ART3: variants seen among roughly 807,000 people sequenced by gnomAD.
ART3 encodes the protein ecto-ADP-ribosyltransferase 3.
In ART3, 49 loss-of-function variants were observed where a neutral mutation model predicts 48.5. The ratio of observed to expected loss-of-function variants is 1.01; its 90% confidence interval spans 0.80 to 1.28. The LOEUF (loss-of-function observed/expected upper bound fraction) is 1.28, where lower values mean the gene tolerates loss of function less well. Among genes scored for constraint, ART3 ranks in the 50% most tolerant of loss-of-function variants. The pLI, the probability that ART3 is intolerant of heterozygous loss-of-function variation, is 0.00. For missense variants in ART3, 438 were observed against 454.3 expected, an observed-to-expected ratio of 0.96 and a Z score of 0.33; for synonymous variants, 145 against 157.2, an observed-to-expected ratio of 0.92 and a Z score of 0.58.
chr4:76,037,628 T>G (rs1211097805), intron 1 of ART3, among the ~76,000 whole-genome samples: 1 of 152,168 alleles, frequency 6.6e-6, no homozygotes, highest in Non-Finnish European at 1.5e-5. Flanking sequence ...CCACGGTGCT[T>G]GGCCTTCCTT....
chr4:76,077,951 C>G (rs1419048133), intron 2 of ART3, among the ~76,000 whole-genome samples: 1 of 152,186 alleles, frequency 6.6e-6, no homozygotes, highest in Non-Finnish European at 1.5e-5. Context: ...TATACTCTTG[C>G]AACATAATTT....
intron 1 of ART3, among the ~76,000 whole-genome samples, chr4:76,064,444 A>T (rs1719517679): frequency 6.6e-6 from 1 of 152,246 alleles, no homozygotes; most frequent in Non-Finnish European, 1.5e-5. Flanking sequence ...GTGAATAGTG[A>T]TCATGACATT....
At chr4:76,034,431 G>C in intron 1 of ART3, 1 of 481,668 alleles carries the variant, frequency 2.1e-6, no homozygotes. Flanking sequence ...AATCTAGAAG[G>C]TTCTCTAGCC....
At chr4:76,022,379 C>T in intron 1 of ART3, 1 of 1,613,584 alleles carries the variant, frequency 6.2e-7, no homozygotes, top group Non-Finnish European at 8.5e-7. Flanking sequence ...TCCTTGCTAA[C>T]TGCTTTCAGT....
In ART3 at chr4:76,092,315, A is replaced by G. The variant is rs563978269; in HGVS notation, c.782-5329A>G. Among the ~76,000 whole-genome samples, 25 of 152,306 alleles carry G rather than the reference A, an allele frequency of 1.6e-4. No individual in the cohort carries two copies. The East Asian group carries it at 4.8e-3, about 29-fold the overall frequency. ...AGTGTTCAGTGTGTAAGGCTTTTCC[A>G]TCTTTCGTCAGATTTACCTTTAAGT... On this transcript the variant is annotated intron_variant, in intron 3 of 11. Coordinates refer to ENST00000355810, the MANE Select transcript of ART3 (RefSeq NM_001130016.3).
chr4:76,043,081 C>G (rs943140251), intron 1 of ART3, among the ~76,000 whole-genome samples: 4 of 151,964 alleles, frequency 2.6e-5, no homozygotes, highest in African/African-American at 4.8e-5. Context: ...TTGGTGCATT[C>G]ACAAACCCTG....
chr4:76,076,549 T>A (rs1721121755), intron 2 of ART3, among the ~76,000 whole-genome samples: 1 of 152,212 alleles, frequency 6.6e-6, no homozygotes, highest in African/African-American at 2.4e-5. Flanking sequence ...CTTCTTGGCT[T>A]TTTTCTATGT....
chr4:76,048,844 C>A lies in ART3; in HGVS notation c.-9-27037C>A, dbSNP rs181171467. Among the ~76,000 whole-genome samples, 320 of 151,926 alleles carry A rather than the reference C, an allele frequency of 2.1e-3. 3 individuals carry two copies. In the East Asian group the frequency reaches 0.021, roughly 10 times the overall value. ...GGCCCTTATGATGCATTCTCAAAAA[C>A]CTGTTAGAGTCCTAAGCATTCTCCT... On this transcript the variant is annotated intron_variant, in intron 1 of 9. Transcript: ENST00000341029.
chr4:76,093,851 C>G (rs1725446923), intron 3 of ART3, among the ~76,000 whole-genome samples: 1 of 152,162 alleles, frequency 6.6e-6, no homozygotes, highest in Non-Finnish European at 1.5e-5. Flanking sequence ...CTACTTAACA[C>G]CTGTTAGTAG....
At chr4:76,018,278 C>G (rs1732444817) in intron 1 of ART3, among the ~76,000 whole-genome samples, 2 of 152,130 alleles carry the variant, frequency 1.3e-5, no homozygotes, top group Non-Finnish European at 2.9e-5. Flanking sequence ...AAATCATGTC[C>G]TTTGCAGCAA....
rs138896290 is a variant in ART3 at position 76,031,205 on chromosome 4, A to G, written c.-10+19885A>G. ...TCAGGGGGAATATTAGTATTTTTTC[A>G]TTGTATTTTGTTTTATCATTACATT... On this transcript the variant is annotated intron_variant, in intron 1 of 9. Coordinates refer to the ART3 transcript ENST00000341029. Among the ~76,000 whole-genome samples, 692 of 152,114 alleles carry G rather than the reference A, an allele frequency of 4.5e-3. 3 individuals carry two copies. Among genetic ancestry groups the G allele is most frequent in the Non-Finnish European group, 7.4e-3 (502 of 67,984 alleles).
chr4:76,104,088 G>T, intron 9 of ART3, 119 bp downstream of exon 9: 1 of 1,122,072 alleles, frequency 8.9e-7, no homozygotes, highest in Admixed American at 2.0e-5. Flanking sequence ...ATAGCTACCT[G>T]CCAGTCATCT....
intron 1 of ART3, among the ~76,000 whole-genome samples, chr4:76,016,511 G>A (rs548484988): frequency 1.3e-5 from 2 of 152,296 alleles, no homozygotes; most frequent in Admixed American, 1.3e-4. Context: ...GTTGTGCTGA[G>A]TCAGACCTGA....
intron 11 of ART3, among the ~76,000 whole-genome samples, chr4:76,110,230 T>C (rs1729225115): frequency 6.6e-6 from 1 of 152,158 alleles, no homozygotes; most frequent in Non-Finnish European, 1.5e-5. Flanking sequence ...GAAAAAATAA[T>C]ACAAATTTAA....
chr4:76,064,335 T>C (rs13111494), intron 1 of ART3, among the ~76,000 whole-genome samples: 31,145 of 152,116 alleles, frequency 0.2, 3,924 homozygotes, highest in East Asian at 0.4. Flanking sequence ...GTGATCTAAA[T>C]ACAAAAGAGA....
chr4:76,109,041 A>G (rs1056096600), intron 11 of ART3, among the ~76,000 whole-genome samples: 2 of 152,302 alleles, frequency 1.3e-5, no homozygotes, highest in Admixed American at 6.5e-5. Context: ...GACTTTATAC[A>G]TACTATACAG....
At chr4:76,052,196 TATG>T (rs1248613090) in intron 1 of ART3, among the ~76,000 whole-genome samples, 5 of 152,182 alleles carry the variant, frequency 3.3e-5, no homozygotes, top group Admixed American at 6.5e-5. Context: ...GCCTGGTCAA[TATG>T]CTTTATCTCT....
At chr4:76,053,115 T>C (rs1265858379) in intron 1 of ART3, among the ~76,000 whole-genome samples, 6 of 152,218 alleles carry the variant, frequency 3.9e-5, no homozygotes, top group Non-Finnish European at 8.8e-5. Context: ...AAGCTTTAGT[T>C]TCCAGTGATT....
chr4:76,074,257 T>A (rs1199265611), upstream of ART3, among the ~76,000 whole-genome samples: 2 of 152,196 alleles, frequency 1.3e-5, no homozygotes, highest in Admixed American at 1.3e-4. Flanking sequence ...TTATTAGATT[T>A]TGAGTGCTTT....
Sources: allele counts gnomAD v4.1 joint callset (sites outside exome capture counted in the v4.1 genomes callset), GRCh38; gene constraint gnomAD v4.1.1; transcripts MANE v1.5; gene names NCBI Gene and HGNC (gene_info 2026-07-23, HGNC 2026-07-21).